NTM: variants seen among roughly 807,000 people sequenced by gnomAD.
The protein encoded by NTM is neurotrimin, also known as IgLON family member 2.
In NTM, 13 loss-of-function variants were observed where a neutral mutation model predicts 42.1. The observed-to-expected ratio is 0.31, with a 90% confidence interval of 0.20 to 0.49. The LOEUF (loss-of-function observed/expected upper bound fraction) is 0.49, where lower values mean the gene tolerates loss of function less well. Ranked by LOEUF, NTM falls within the 20% of genes least tolerant of loss-of-function variation. The probability of loss-of-function intolerance (pLI) is 0.99; values close to 1 mark genes in which losing one functional copy is unlikely to be tolerated. For missense variants in NTM, 373 were observed against 452.8 expected, an observed-to-expected ratio of 0.82 and a Z score of 1.60; for synonymous variants, 187 against 179.2, an observed-to-expected ratio of 1.04 and a Z score of -0.35.
intron 2 of NTM, among the ~76,000 whole-genome samples, chr11:132,104,937 G>GTGTGTATA (rs1169190929): frequency 7.1e-4 from 44 of 61,812 alleles, no homozygotes; most frequent in African/African-American, 1.4e-3. Context: ...ATATACATAT[G>GTGTGTATA]TATATATATA....
intron 1 of NTM, among the ~76,000 whole-genome samples, chr11:131,493,447 C>A (rs75824052): frequency 0.054 from 8,289 of 152,128 alleles, 761 homozygotes; most frequent in African/African-American, 0.19. Context: ...AGCAGGTGAT[C>A]CAGGTTGCAG....
At chr11:131,925,383 C>CTTTTTT (rs61493262) in intron 2 of NTM, among the ~76,000 whole-genome samples, 3 of 111,456 alleles carry the variant, frequency 2.7e-5, no homozygotes, top group African/African-American at 1.1e-4. Flanking sequence ...TTTCTTTTCT[C>CTTTTTT]TTTTTTTTTT....
chr11:131,534,648 T>C (rs2051855152), intron 1 of NTM: 1 of 152,222 alleles, frequency 6.6e-6, no homozygotes, highest in South Asian at 2.1e-4. Flanking sequence ...CTTATTCTGA[T>C]ATTTTGGGGA....
intron 7 of NTM, among the ~76,000 whole-genome samples, chr11:132,327,520 G>A (rs936887481): frequency 2.0e-5 from 3 of 152,166 alleles, no homozygotes; most frequent in Admixed American, 6.6e-5. Context: ...CTAGATAACA[G>A]AAAGCACAAA....
chr11:131,529,100 T>C (rs995002321), intron 1 of NTM, among the ~76,000 whole-genome samples: 2 of 152,206 alleles, frequency 1.3e-5, no homozygotes, highest in Non-Finnish European at 2.9e-5. Flanking sequence ...TGTTTTCCTC[T>C]TTAGAGAAGC....
chr11:132,090,070 T>G (rs770892593), intron 2 of NTM, among the ~76,000 whole-genome samples: 7 of 152,172 alleles, frequency 4.6e-5, no homozygotes, highest in Non-Finnish European at 1.0e-4. Context: ...AGGGTAGGTA[T>G]TATTATCCCC....
At chr11:132,188,286 G>A (rs771000419) in intron 3 of NTM, among the ~76,000 whole-genome samples, 5 of 152,258 alleles carry the variant, frequency 3.3e-5, no homozygotes, top group Non-Finnish European at 7.3e-5. Context: ...TAACCCAAAC[G>A]CCTCCTTTTA....
At chr11:131,478,696 A>G (rs1255145431) in intron 1 of NTM, among the ~76,000 whole-genome samples, 1 of 152,158 alleles carries the variant, frequency 6.6e-6, no homozygotes, top group Non-Finnish European at 1.5e-5. Flanking sequence ...TTCCCATTGA[A>G]TTTCTTCACC....
At chr11:132,011,374 G>A (rs1174474111) in intron 2 of NTM, among the ~76,000 whole-genome samples, 1 of 152,216 alleles carries the variant, frequency 6.6e-6, no homozygotes, top group East Asian at 1.9e-4. Context: ...GGAATGAAAG[G>A]GTTCATGCAT....
At chr11:131,594,448 T>A (rs1489983474) in intron 1 of NTM, among the ~76,000 whole-genome samples, 1 of 152,122 alleles carries the variant, frequency 6.6e-6, no homozygotes, top group Non-Finnish European at 1.5e-5. Flanking sequence ...CAGGCTGGAA[T>A]GCAGTGGTGA....
intron 2 of NTM, among the ~76,000 whole-genome samples, chr11:131,942,777 C>A (rs1244092885): frequency 6.6e-6 from 1 of 151,932 alleles, no homozygotes; most frequent in Non-Finnish European, 1.5e-5. Context: ...GAAACCCCAT[C>A]TCTACTAAAA....
rs532463136 is a variant in NTM at position 131,813,641 on chromosome 11, G to A, written c.83-97923G>A. Among the ~76,000 whole-genome samples, 6 of 152,294 alleles carry A rather than the reference G, an allele frequency of 3.9e-5. No homozygotes were observed. In the South Asian group the frequency reaches 6.2e-4, roughly 16 times the overall value. ...GTTTGGATGCAGACAGCTCAGCCAC[G>A]TGGAGTTTCACTGAGTTCCCCCAAT... On this transcript the variant is annotated intron_variant, in intron 1 of 8. Coordinates refer to ENST00000683400, the MANE Select transcript of NTM (RefSeq NM_001352005.2).
chr11:132,134,734 T>TCC (rs1192392550), intron 2 of NTM, among the ~76,000 whole-genome samples: 1 of 78,620 alleles, frequency 1.3e-5, no homozygotes, highest in East Asian at 2.9e-4. Flanking sequence ...TATATATATA[T>TCC]ATATATATAT....
At chr11:131,710,524 G>A (rs1317200706) in intron 1 of NTM, among the ~76,000 whole-genome samples, 1 of 152,076 alleles carries the variant, frequency 6.6e-6, no homozygotes, top group Admixed American at 6.6e-5. Flanking sequence ...TTCGATTCAG[G>A]TAGTTATTTT....
chr11:131,407,044 C>T (rs535639116), intron 1 of NTM, among the ~76,000 whole-genome samples: 2 of 152,288 alleles, frequency 1.3e-5, no homozygotes, highest in South Asian at 2.1e-4. Context: ...GTAGCATTTA[C>T]GTTTTAAATA....
Position 132,232,475 on chromosome 11 carries a change from T to C in NTM, c.526+20328T>C, listed in dbSNP as rs117258990. 1.8e-3 allele frequency among the ~76,000 whole-genome samples: 269 copies of C among 152,242 alleles called. 1 individual carries two copies. In the East Asian group the frequency reaches 0.026, roughly 15 times the overall value. ...ACTTGGGTGAGGAAAGCTTTTAACC[T>C]GATGTCCCAGCTCACACATAACTAG... is the stretch of plus-strand genomic sequence containing the variant. On this transcript the variant is annotated intron_variant, in intron 4 of 8. Coordinates refer to ENST00000683400, the MANE Select transcript of NTM (RefSeq NM_001352005.2).
chr11:131,540,023 A>G (rs996294151), intron 1 of NTM, among the ~76,000 whole-genome samples: 1 of 152,140 alleles, frequency 6.6e-6, no homozygotes, highest in Non-Finnish European at 1.5e-5. Context: ...CTTGCTCACT[A>G]CGGTCCTGTC....
At chr11:131,791,078 T>C (rs2090862012) in intron 1 of NTM, among the ~76,000 whole-genome samples, 1 of 152,192 alleles carries the variant, frequency 6.6e-6, no homozygotes, top group Admixed American at 6.6e-5. Context: ...GTGCGGTGCC[T>C]ATGTGTACAA....
chr11:131,616,339 A>G (rs2061935606), intron 1 of NTM, among the ~76,000 whole-genome samples: 1 of 152,214 alleles, frequency 6.6e-6, no homozygotes, highest in Non-Finnish European at 1.5e-5. Context: ...AGGACAGAGG[A>G]AAAAGAAACA....
Sources: allele counts gnomAD v4.1 joint callset (sites outside exome capture counted in the v4.1 genomes callset), GRCh38; gene constraint gnomAD v4.1.1; transcripts MANE v1.5; gene names NCBI Gene and HGNC (gene_info 2026-07-23, HGNC 2026-07-21).